Variants in FYN observed in about 807,000 individuals in gnomAD.
FYN encodes the protein tyrosine-protein kinase Fyn.
Under a neutral mutation model 70.2 loss-of-function variants are expected in FYN, and 10 were observed. The ratio of observed to expected loss-of-function variants is 0.14; its 90% CI spans 0.09 to 0.24. The LOEUF is 0.24. Ranked by LOEUF, FYN falls within the 10% of genes least tolerant of loss-of-function variation. The probability of loss-of-function intolerance (pLI) is 1.00; values close to 1 mark genes in which losing one functional copy is unlikely to be tolerated. For missense variants in FYN, 319 were observed against 673.1 expected, an observed-to-expected ratio of 0.47 and a Z score of 5.82; for synonymous variants, 236 against 248.6, an observed-to-expected ratio of 0.95 and a Z score of 0.48.
At chr6:111,719,783 C>A in intron 4 of FYN, 22 bp downstream of exon 4, 1 of 1,611,510 alleles carries the variant, frequency 6.2e-7, no homozygotes, top group Non-Finnish European at 8.5e-7. Context: ...CCTCTCTGCA[C>A]TCTGTGACTT....
intron 2 of FYN, among the ~76,000 whole-genome samples, chr6:111,816,365 G>C (rs1425236117): frequency 2.6e-5 from 4 of 152,118 alleles, no homozygotes; most frequent in Non-Finnish European, 5.9e-5. Context: ...AAACCAACTA[G>C]ATTTAAGTCA....
chr6:111,678,437 C>T (rs1163751836), intron 12 of FYN, among the ~76,000 whole-genome samples: 4 of 152,128 alleles, frequency 2.6e-5, no homozygotes, highest in Admixed American at 6.5e-5. Context: ...TTCTGATATA[C>T]AGCTCAATCC....
At chr6:111,777,566 C>T (rs1771000886) in intron 3 of FYN, among the ~76,000 whole-genome samples, 1 of 152,138 alleles carries the variant, frequency 6.6e-6, no homozygotes, top group Admixed American at 6.5e-5. Flanking sequence ...CACTAGCACA[C>T]ACCCTCCTCC....
At chr6:111,825,773 C>A (rs1772813656) in intron 2 of FYN, among the ~76,000 whole-genome samples, 1 of 151,972 alleles carries the variant, frequency 6.6e-6, no homozygotes, top group Non-Finnish European at 1.5e-5. Context: ...GGCTTGGGGG[C>A]TCATTTGTAA....
intron 13 of FYN, among the ~76,000 whole-genome samples, chr6:111,669,510 T>G (rs1401066024): frequency 6.6e-6 from 1 of 150,588 alleles, no homozygotes; most frequent in Non-Finnish European, 1.5e-5. Flanking sequence ...AAACAGGTGT[T>G]CGGTTAAGAG....
At chr6:111,732,040 A>G (rs1016342379) in intron 3 of FYN, among the ~76,000 whole-genome samples, 1 of 152,214 alleles carries the variant, frequency 6.6e-6, no homozygotes, top group Non-Finnish European at 1.5e-5. Flanking sequence ...AAAAAACAGT[A>G]TTTGGGATGA....
At chr6:111,734,883 G>GTCACA (rs1359747676) in intron 3 of FYN, among the ~76,000 whole-genome samples, 1 of 152,206 alleles carries the variant, frequency 6.6e-6, no homozygotes, top group Non-Finnish European at 1.5e-5. Context: ...ACTGTGCTAA[G>GTCACA]GGCTGCCGGT....
intron 2 of FYN, among the ~76,000 whole-genome samples, chr6:111,801,546 A>G (rs1026846019): frequency 2.0e-5 from 3 of 152,236 alleles, no homozygotes; most frequent in African/African-American, 4.8e-5. Context: ...CCAAAATTCA[A>G]CAGAACTTCC....
intron 1 of FYN, among the ~76,000 whole-genome samples, chr6:111,857,509 G>A (rs774543308): frequency 1.3e-5 from 2 of 152,038 alleles, no homozygotes; most frequent in African/African-American, 4.8e-5. Flanking sequence ...AAGGAAAAAT[G>A]GTATACTATA....
At chr6:111,774,592 C>T (rs1464463127) in intron 3 of FYN, among the ~76,000 whole-genome samples, 1 of 151,824 alleles carries the variant, frequency 6.6e-6, no homozygotes, top group South Asian at 2.1e-4. Flanking sequence ...CTCCCAAATG[C>T]CTCCTGCCTT....
At chr6:111,700,333 A>G (rs983866308) in intron 8 of FYN, 65 bp from the exon 9 acceptor site, 9 of 1,553,848 alleles carry the variant, frequency 5.8e-6, no homozygotes, top group African/African-American at 4.1e-5. Flanking sequence ...GACAACACTC[A>G]TAAGTGTAAA....
chr6:111,811,599 T>C (rs553861292), intron 2 of FYN, among the ~76,000 whole-genome samples: 1 of 152,284 alleles, frequency 6.6e-6, no homozygotes, highest in East Asian at 1.9e-4. Flanking sequence ...GTTCCAACCT[T>C]ACTTGACCTT....
intron 3 of FYN, among the ~76,000 whole-genome samples, chr6:111,728,076 G>A (rs556874129): frequency 1.3e-5 from 2 of 152,220 alleles, no homozygotes; most frequent in South Asian, 4.1e-4. Context: ...GGCCAAATGA[G>A]GCTTTAACAC....
At chr6:111,681,009 T>G (rs1798756329) in intron 12 of FYN, among the ~76,000 whole-genome samples, 1 of 151,054 alleles carries the variant, frequency 6.6e-6, no homozygotes, top group Non-Finnish European at 1.5e-5. Context: ...CCACCATGCC[T>G]GGCTAATGTT....
At position 111,698,212 on chromosome 6, in the gene FYN, C is replaced by T. The variant is rs1268226504; in HGVS notation, c.863-1756G>A. On this transcript the variant is annotated intron_variant, in intron 9 of 13. Coordinates refer to ENST00000354650, the MANE Select transcript of FYN (RefSeq NM_002037.5). ...GCAATGGTGCGATCTCCGCTCACCG[C>T]AACCTCCACCTCCCAGGTTCAAGTG... 3.9e-5 allele frequency among the ~76,000 whole-genome samples: 6 copies of T among 152,160 alleles called. 1 individual carries two copies. The highest frequency in any genetic ancestry group is 7.3e-5 in the Non-Finnish European group (5 of 68,032).
rs2114254441 is a variant in FYN, at chr6:111,802,773, G to A, written c.-81-22138C>T. On this transcript the variant is annotated intron_variant, in intron 2 of 13. Transcript: ENST00000354650. ...TAGCAGTGTGAGAACACTCTTTCTGGCTGAAAAAAAAAAAAAAATTCATTG... is the reference window on the plus strand; with the variant it reads ...TAGCAGTGTGAGAACACTCTTTCTGACTGAAAAAAAAAAAAAAATTCATTG... 1.4e-5 allele frequency among the ~76,000 whole-genome samples: 2 copies of A among 138,268 alleles called. 1 individual carries two copies. Among genetic ancestry groups the A allele is most frequent in the South Asian group, 4.4e-4 (2 of 4,580 alleles). The allele number at this position is 138,268 out of a possible 152,430, so 90.7% of individuals were successfully genotyped here.
intron 3 of FYN, among the ~76,000 whole-genome samples, chr6:111,748,783 A>T (rs1802353776): frequency 6.6e-6 from 1 of 152,260 alleles, no homozygotes; most frequent in Non-Finnish European, 1.5e-5. Context: ...AGGTCGTCTT[A>T]AATTTAAAAA....
intron 3 of FYN, among the ~76,000 whole-genome samples, chr6:111,724,513 T>C (rs988764369): frequency 1.3e-5 from 2 of 152,200 alleles, no homozygotes; most frequent in Non-Finnish European, 2.9e-5. Context: ...GCCCAAGTTA[T>C]AAGCTTGCAG....
At chr6:111,687,467 C>T (rs1583306841) in intron 12 of FYN, among the ~76,000 whole-genome samples, 1 of 152,078 alleles carries the variant, frequency 6.6e-6, no homozygotes, top group African/African-American at 2.4e-5. Context: ...AAAAAACAAA[C>T]CAACCAAAAC....
Sources: gnomAD v4.1 joint callset for allele counts (sites outside exome capture counted in the v4.1 genomes callset) on GRCh38, gnomAD v4.1.1 for gene constraint, MANE v1.5 for transcripts, NCBI Gene and HGNC (gene_info 2026-07-23, HGNC 2026-07-21) for gene names.